Variants in PRRG4 observed in about 807,000 individuals in gnomAD.
The protein encoded by PRRG4 is proline rich and Gla domain 4, also known as transmembrane gamma-carboxyglutamic acid protein 4.
In PRRG4, 12 loss-of-function variants were observed where a neutral mutation model predicts 20.0. That is an observed-to-expected ratio of 0.60 (90% CI 0.38 to 0.97). The LOEUF is 0.97. Among genes scored for constraint, PRRG4 ranks in the 50% least tolerant of loss-of-function variants. The probability of loss-of-function intolerance (pLI) is 0.00; values close to 1 mark genes in which losing one functional copy is unlikely to be tolerated. For missense variants in PRRG4, 199 were observed against 265.1 expected (o/e 0.75, Z 1.73); for synonymous variants, 94 against 96.4 (o/e 0.98, Z 0.15).
upstream of PRRG4, chr11:32,829,834 C>T (rs1850944838): frequency 2.0e-6 from 2 of 985,300 alleles, no homozygotes; most frequent in South Asian, 4.7e-5. Flanking sequence ...CCGGGAGACG[C>T]CGGCCCACTG....
intron 2 of PRRG4, among the ~76,000 whole-genome samples, chr11:32,834,964 C>A (rs537537621): frequency 6.6e-6 from 1 of 152,244 alleles, no homozygotes; most frequent in Admixed American, 6.5e-5. Context: ...CAGGCGTGCA[C>A]CACCACACCG....
intron 5 of PRRG4, among the ~76,000 whole-genome samples, chr11:32,850,754 G>C (rs1020237440): frequency 2.6e-5 from 4 of 152,162 alleles, no homozygotes; most frequent in African/African-American, 9.7e-5. Flanking sequence ...CGTCAGAAAA[G>C]TTTGCCTCAT....
rs562111288 is a variant in PRRG4 at position 32,845,947 on chromosome 11, G to A, written c.449+5708G>A. ...AGGCAGGAAAATCACTTGAGCCCAC[G>A]AGTTTGAGATCAGCCTGGGCAACAT... On this transcript the variant is annotated intron_variant, in intron 5 of 5. Coordinates refer to ENST00000257836, the MANE Select transcript of PRRG4 (RefSeq NM_024081.6). Among the ~76,000 whole-genome samples, 202 of 152,016 alleles carry A rather than the reference G, an allele frequency of 1.3e-3. 1 individual carries two copies. The highest frequency in any genetic ancestry group is 4.6e-3 in the African/African-American group (192 of 41,464).
intron 5 of PRRG4, among the ~76,000 whole-genome samples, chr11:32,847,332 C>G (rs560322045): frequency 1.3e-5 from 2 of 151,886 alleles, no homozygotes; most frequent in African/African-American, 4.8e-5. Context: ...GGACATTTCT[C>G]TAAAAATATA....
At position 32,855,582 on chromosome 11, in the gene PRRG4, A is replaced by G. The variant is rs1403438514; in HGVS notation, c.*2055A>G. 1.3e-5 allele frequency: 2 copies of G among 152,232 alleles called. No individual in the cohort carries two copies. The highest frequency in any genetic ancestry group is 2.9e-5 in the Non-Finnish European group (2 of 68,032). The allele number at this position is 152,232 out of a possible 1,614,324, so 9.4% of individuals were successfully genotyped here. A position where few individuals can be genotyped will look rare whatever the true frequency, so the allele number is the denominator to read the frequency against. ...TCTCTCTTTTAAGATGCATCATCTT[A>G]AGGCAGATAAAAGTAAGTCCTTAAT... is the stretch of plus-strand genomic sequence containing the variant. On this transcript the variant is annotated 3_prime_UTR_variant, in exon 6 of 6. Transcript: ENST00000257836.
At chr11:32,842,951 A>C (rs1459142140) in intron 5 of PRRG4, among the ~76,000 whole-genome samples, 1 of 151,864 alleles carries the variant, frequency 6.6e-6, no homozygotes, top group Non-Finnish European at 1.5e-5. Flanking sequence ...TCCTGGGTTC[A>C]AGCAATTCCC....
intron 2 of PRRG4, among the ~76,000 whole-genome samples, chr11:32,831,806 C>T (rs1326787616): frequency 1.3e-5 from 2 of 151,820 alleles, no homozygotes; most frequent in African/African-American, 4.8e-5. Context: ...GGATCACCTG[C>T]GGTCAGGAGT....
chr11:32,848,380 G>A (rs543250002), intron 5 of PRRG4, among the ~76,000 whole-genome samples: 7 of 152,080 alleles, frequency 4.6e-5, no homozygotes, highest in Admixed American at 6.5e-5. Flanking sequence ...AGTTTTGAGC[G>A]GGGCAAAAAC....
At chr11:32,834,974 G>T (rs570915295) in intron 2 of PRRG4, among the ~76,000 whole-genome samples, 13 of 152,010 alleles carry the variant, frequency 8.6e-5, no homozygotes, top group African/African-American at 3.1e-4. Context: ...CCACCACACC[G>T]GGCTAATTTT....
intron 2 of PRRG4, among the ~76,000 whole-genome samples, chr11:32,835,905 C>T (rs961119405): frequency 6.6e-6 from 1 of 151,988 alleles, no homozygotes; most frequent in Admixed American, 6.6e-5. Flanking sequence ...AGTTCAAGAC[C>T]AGCCTGGCCA....
intron 5 of PRRG4, among the ~76,000 whole-genome samples, chr11:32,845,237 G>A (rs1851117135): frequency 6.6e-6 from 1 of 152,106 alleles, no homozygotes; most frequent in African/African-American, 2.4e-5. Flanking sequence ...TTTGTATAGT[G>A]TATTATGGCA....
intron 3 of PRRG4, among the ~76,000 whole-genome samples, chr11:32,838,590 A>G (rs1392684258): frequency 1.3e-5 from 2 of 152,156 alleles, no homozygotes; most frequent in Non-Finnish European, 2.9e-5. Flanking sequence ...CTAATGCAAT[A>G]ATTTCCCCCA....
intron 5 of PRRG4, among the ~76,000 whole-genome samples, chr11:32,848,971 T>A (rs71479186): frequency 8.3e-6 from 1 of 120,826 alleles, no homozygotes; most frequent in Admixed American, 8.4e-5. Context: ...GACTCTGTCT[T>A]AAAAAAAAAA....
Position 32,829,969 on chromosome 11 carries a change from G to C in PRRG4, c.-227G>C. The C allele has an allele frequency of 4.1e-6, 4 of 985,516 alleles. No homozygotes were observed. Among genetic ancestry groups the C allele is most frequent in the African/African-American group, 3.5e-5 (2 of 57,382 alleles). 61.0% of individuals were successfully genotyped at this position (985,516 alleles called of 1,614,324 possible). On this transcript the variant is annotated 5_prime_UTR_variant, in exon 1 of 6. Transcript: ENST00000257836. ...CCGGACCGAGGCAGGACCTCACCCC[G>C]CGCGTGTTCCCCGGGCGCCCCTCTG...
At chr11:32,832,181 T>C (rs113025504) in intron 2 of PRRG4, among the ~76,000 whole-genome samples, 1 of 152,112 alleles carries the variant, frequency 6.6e-6, no homozygotes, top group South Asian at 2.1e-4. Context: ...GATGAACACA[T>C]GCTAAGTGCC....
At chr11:32,834,613 CT>C (rs1270884089) in intron 2 of PRRG4, among the ~76,000 whole-genome samples, 1 of 151,984 alleles carries the variant, frequency 6.6e-6, no homozygotes, top group Non-Finnish European at 1.5e-5. Context: ...CATTTTAAAA[CT>C]AAAAAGTAAT....
intron 1 of PRRG4, 57 bp from the exon 2 acceptor site, chr11:32,830,451 C>G: frequency 7.9e-7 from 1 of 1,260,158 alleles, no homozygotes; most frequent in Non-Finnish European, 1.1e-6. Flanking sequence ...TCGACAGAAA[C>G]TCAAAGTGCT....
chr11:32,838,362 G>C (rs1191407967), intron 3 of PRRG4, among the ~76,000 whole-genome samples: 1 of 151,948 alleles, frequency 6.6e-6, no homozygotes, highest in Non-Finnish European at 1.5e-5. Context: ...AGGCTGAGGT[G>C]GGAGGATCGT....
In PRRG4 at chr11:32,857,656, T is replaced by C. The variant is rs948971616; in HGVS notation, c.*4129T>C. 1.3e-5 allele frequency: 2 copies of C among 152,234 alleles called. No homozygotes were observed. Among genetic ancestry groups the C allele is most frequent in the Non-Finnish European group, 2.9e-5 (2 of 68,028 alleles). The allele number at this position is 152,234 out of a possible 1,614,324, so 9.4% of individuals were successfully genotyped here. A position where few individuals can be genotyped will look rare whatever the true frequency, so the allele number is the denominator to read the frequency against. ...CAAGAGACTTTTTAATGCTAAATAT[T>C]TGTCAGTGCTTAACAAAAACTCAAT... On this transcript the variant is annotated 3_prime_UTR_variant, in exon 6 of 6. Transcript: ENST00000257836.
Sources: gnomAD v4.1 joint callset for allele counts (sites outside exome capture counted in the v4.1 genomes callset) on GRCh38, gnomAD v4.1.1 for gene constraint, MANE v1.5 for transcripts, NCBI Gene and HGNC (gene_info 2026-07-23, HGNC 2026-07-21) for gene names.